Variants in DCAF8L2 observed in about 807,000 individuals in gnomAD.
The protein encoded by DCAF8L2 is DDB1- and CUL4-associated factor 8-like protein 2.
For synonymous variants in DCAF8L2, 200 were observed against 190.9 expected (o/e 1.05, Z -0.39); for missense variants, 430 against 490.7 (o/e 0.88, Z 1.17).
At chrX:27,569,834 A>G in the DCAF8L2 span, among the ~76,000 whole-genome samples, 3 of 111,600 alleles carry the variant, frequency 2.7e-5, no homozygotes, top group Non-Finnish European at 5.6e-5. Flanking sequence ...GTGTGATCTT[A>G]AAGTTATTTC....
chrX:27,501,908 C>G, the DCAF8L2 span, among the ~76,000 whole-genome samples: 1 of 110,892 alleles, frequency 9.0e-6, no homozygotes, highest in Non-Finnish European at 1.9e-5. Flanking sequence ...TAAAGAAGGT[C>G]TTTGCCCAAG....
At chrX:27,741,219 T>C (rs748527869) in intron 4 of DCAF8L2, among the ~76,000 whole-genome samples, 7 of 111,742 alleles carry the variant, frequency 6.3e-5, no homozygotes, top group Non-Finnish European at 1.3e-4. Context: ...TTCTTTGCAA[T>C]GGGTCAAGAT....
chrX:27,607,662 G>A (rs763239281), intron 1 of DCAF8L2, among the ~76,000 whole-genome samples: 25 of 111,857 alleles, frequency 2.2e-4, no homozygotes, highest in Non-Finnish European at 4.7e-4. Flanking sequence ...TTTTAACTCA[G>A]TGGACGTTAT....
At chrX:27,619,011 CTATCT>C (rs768815546) in intron 1 of DCAF8L2, among the ~76,000 whole-genome samples, 3 of 74,972 alleles carry the variant, frequency 4.0e-5, no homozygotes, top group Non-Finnish European at 6.5e-5. Context: ...TCTAATCTAT[CTATCT>C]ATCTATCTAT....
At chrX:27,540,879 TAAC>T in the DCAF8L2 span, among the ~76,000 whole-genome samples, 1 of 111,668 alleles carries the variant, frequency 9.0e-6, no homozygotes, top group East Asian at 2.8e-4. Context: ...TAAAAAATAA[TAAC>T]AATTTAGAAA....
chrX:27,599,292 C>T (rs1057046623), intron 1 of DCAF8L2, among the ~76,000 whole-genome samples: 3 of 111,165 alleles, frequency 2.7e-5, no homozygotes, highest in South Asian at 3.7e-4. Flanking sequence ...TATGTGATTC[C>T]ACCTATATGA....
At chrX:27,541,229 G>T in the DCAF8L2 span, among the ~76,000 whole-genome samples, 1 of 112,076 alleles carries the variant, frequency 8.9e-6, no homozygotes, top group African/African-American at 3.2e-5. Context: ...CAGCCATGTA[G>T]AAATATGATC....
chrX:27,702,760 C>T (rs1286932221), intron 3 of DCAF8L2, among the ~76,000 whole-genome samples: 1 of 111,298 alleles, frequency 9.0e-6, no homozygotes, highest in Non-Finnish European at 1.9e-5. Flanking sequence ...ATTTAATAGT[C>T]AAAAATTAAA....
chrX:27,542,929 G>C, the DCAF8L2 span, among the ~76,000 whole-genome samples: 1 of 111,460 alleles, frequency 9.0e-6, no homozygotes, highest in Non-Finnish European at 1.9e-5. Flanking sequence ...CTCCTATTCT[G>C]TATGTCTTCT....
intron 1 of DCAF8L2, among the ~76,000 whole-genome samples, chrX:27,603,679 G>A (rs1385199478): frequency 1.8e-5 from 2 of 111,759 alleles, no homozygotes; most frequent in East Asian, 5.7e-4. Context: ...ATGGTGTGCT[G>A]GAACAGAAGT....
At position 27,747,368 on chromosome X, in the gene DCAF8L2, G is replaced by C. The variant is rs749138033; in HGVS notation, c.473G>C (p.Gly158Ala). The stretch of plus-strand genomic sequence containing the variant: ...CGGGCGGGTCCACAAGGCAGTGGCG[G>C]CAACCATGAGCAGTATTCGTTAGAG... ...QPRAGPQGSGGNHEQYSLEED... is the reference protein window; with the variant it reads ...QPRAGPQGSGANHEQYSLEED... The change falls in exon 5 of 5, where the codon GGC (glycine) becomes GCC (alanine). Residue 158 changes from glycine to alanine, a missense_variant. Physicochemically the swap from Gly to Ala is moderately conservative, Grantham distance 60. Transcript: ENST00000451261. 1.1e-5 allele frequency: 13 copies of C among 1,165,312 alleles called. No individual in the cohort carries two copies. Among genetic ancestry groups the C allele is most frequent in the Middle Eastern group, 2.3e-4 (1 of 4,288 alleles).
In DCAF8L2 at chrX:27,749,775, A is replaced by G. The variant is rs1395564202; in HGVS notation, c.*984A>G. The stretch of plus-strand genomic sequence containing the variant: ...AGATTGTTTATACTTACACATAACC[A>G]TTTGGTGTAATTGGTAGAAAAATCC... On this transcript the variant is annotated 3_prime_UTR_variant, in exon 5 of 5. Transcript: ENST00000451261. Among the ~76,000 whole-genome samples the G allele has an allele frequency of 1.2e-4, 14 of 112,255 alleles. No individual in the cohort carries two copies.
chrX:27,708,041 A>G (rs1411775941), intron 3 of DCAF8L2, among the ~76,000 whole-genome samples: 1 of 111,069 alleles, frequency 9.0e-6, no homozygotes, highest in East Asian at 2.8e-4. Flanking sequence ...TGTGATGTAC[A>G]TGTGAAAGTT....
intron 1 of DCAF8L2, among the ~76,000 whole-genome samples, chrX:27,606,266 A>T (rs1424794682): frequency 1.1e-5 from 1 of 92,366 alleles, no homozygotes; most frequent in Non-Finnish European, 2.1e-5. Context: ...ATATATATAT[A>T]TAGGAATTAT....
chrX:27,568,473 T>A, the DCAF8L2 span, among the ~76,000 whole-genome samples: 218 of 111,832 alleles, frequency 1.9e-3, 1 homozygote, highest in African/African-American at 6.7e-3. Flanking sequence ...AGTAAGTCAT[T>A]ATTTCTGAGT....
chrX:27,528,482 A>G, the DCAF8L2 span, among the ~76,000 whole-genome samples: 971 of 100,985 alleles, frequency 9.6e-3, 13 homozygotes, highest in African/African-American at 0.032. Context: ...ATGTGTATAT[A>G]TATATATATA....
At chrX:27,606,290 TTATA>T (rs1306815647) in intron 1 of DCAF8L2, among the ~76,000 whole-genome samples, 1 of 81,310 alleles carries the variant, frequency 1.2e-5, no homozygotes, top group Non-Finnish European at 2.3e-5. Flanking sequence ...TATATAGGAA[TTATA>T]TATATATGAA....
rs1928252970 is a variant in DCAF8L2, at chrX:27,630,764, T to A, written c.-341-1115T>A. On this transcript the variant is annotated intron_variant, in intron 1 of 4. Transcript: ENST00000451261. ...TTATAAAAAAATAGAAATTAATTTCTTACAGTTCTGGAAGCTAGGAAGTCC... is the reference window on the plus strand; with the variant it reads ...TTATAAAAAAATAGAAATTAATTTCATACAGTTCTGGAAGCTAGGAAGTCC... 7.1e-5 allele frequency among the ~76,000 whole-genome samples: 8 copies of A among 112,156 alleles called. No homozygotes were observed. The South Asian group carries it at 3.0e-3, about 42-fold the overall frequency.
the DCAF8L2 span, among the ~76,000 whole-genome samples, chrX:27,550,175 G>T: frequency 1.8e-5 from 2 of 112,023 alleles, no homozygotes; most frequent in Admixed American, 9.5e-5. Flanking sequence ...CAGTTGGCAG[G>T]CAATAAGTAG....
Sources: gnomAD v4.1 joint callset for allele counts (sites outside exome capture counted in the v4.1 genomes callset) on GRCh38, gnomAD v4.1.1 for gene constraint, MANE v1.5 for transcripts, NCBI Gene and HGNC (gene_info 2026-07-23, HGNC 2026-07-21) for gene names.